ANXA13: variants seen among roughly 807,000 people sequenced by gnomAD.
ANXA13 encodes annexin XIII.
Under a neutral mutation model 46.6 loss-of-function variants are expected in ANXA13, and 36 were observed. The observed-to-expected ratio is 0.77, with a 90% CI of 0.59 to 1.02. ANXA13 has a LOEUF of 1.02. ANXA13 is among the 50% of genes least tolerant of loss of function. The pLI is 0.00. For missense variants in ANXA13, 417 were observed against 396.5 expected (o/e 1.05, Z -0.44); for synonymous variants, 163 against 152.9 (o/e 1.07, Z -0.49).
intron 1 of ANXA13, among the ~76,000 whole-genome samples, chr8:123,736,864 T>TG (rs1814278273): frequency 1.3e-5 from 2 of 150,022 alleles, no homozygotes; most frequent in Non-Finnish European, 3.0e-5. Flanking sequence ...TTTTTTTTTT[T>TG]TGGGACGGAG....
chr8:123,735,063 T>G (rs1363714638), intron 1 of ANXA13, among the ~76,000 whole-genome samples: 1 of 150,054 alleles, frequency 6.7e-6, no homozygotes, highest in Non-Finnish European at 1.5e-5. Context: ...ATTTTAGATT[T>G]GCTGAGATTC....
At chr8:123,734,497 T>G (rs973065699) in intron 1 of ANXA13, among the ~76,000 whole-genome samples, 1 of 152,122 alleles carries the variant, frequency 6.6e-6, no homozygotes, top group African/African-American at 2.4e-5. Flanking sequence ...CCACATAGGT[T>G]AGTTACAAAC....
intron 4 of ANXA13, among the ~76,000 whole-genome samples, chr8:123,696,288 A>G (rs1813335237): frequency 6.6e-6 from 1 of 152,200 alleles, no homozygotes; most frequent in Non-Finnish European, 1.5e-5. Context: ...TTAAAGGGAC[A>G]CAAAATATTC....
intron 2 of ANXA13, among the ~76,000 whole-genome samples, chr8:123,707,472 A>G (rs1018446986): frequency 6.6e-6 from 1 of 152,198 alleles, no homozygotes. Context: ...TAGACTGGAT[A>G]AAGAAAATGT....
chr8:123,698,711 G>A (rs1813391321), intron 3 of ANXA13, 152 bp from the exon 4 acceptor site: 3 of 772,482 alleles, frequency 3.9e-6, no homozygotes, highest in African/African-American at 3.5e-5. Context: ...CATGCAACCT[G>A]CTCTCAGCTG....
At chr8:123,694,130 TCCTAAAAAAC>T (rs1813290582) in intron 6 of ANXA13, among the ~76,000 whole-genome samples, 2 of 152,136 alleles carry the variant, frequency 1.3e-5, no homozygotes, top group African/African-American at 4.8e-5. Flanking sequence ...AAGGTCCCAG[TCCTAAAAAAC>T]CCTGAGAGCT....
intron 2 of ANXA13, among the ~76,000 whole-genome samples, chr8:123,705,905 G>A (rs1368141312): frequency 6.6e-6 from 1 of 152,210 alleles, no homozygotes; most frequent in African/African-American, 2.4e-5. Context: ...AGCCCTCAGA[G>A]TCAGCTTTGG....
chr8:123,728,552 T>A (rs1164820883), intron 1 of ANXA13: 3 of 152,236 alleles, frequency 2.0e-5, no homozygotes, highest in African/African-American at 7.2e-5. Flanking sequence ...TCTGGAATCC[T>A]CAAGAGTCAA....
At chr8:123,721,421 G>C (rs1813869512) in intron 1 of ANXA13, among the ~76,000 whole-genome samples, 1 of 152,138 alleles carries the variant, frequency 6.6e-6, no homozygotes, top group African/African-American at 2.4e-5. Context: ...CTGAAAGATG[G>C]TAATAATAGT....
Position 123,731,220 on chromosome 8 carries a change from G to A in ANXA13, c.15+6100C>T, listed in dbSNP as rs180998827. Among the ~76,000 whole-genome samples, 117 of 152,214 alleles carry A rather than the reference G, an allele frequency of 7.7e-4. 1 individual carries two copies. In the South Asian group the frequency reaches 0.014, roughly 19 times the overall value. On this transcript the variant is annotated intron_variant, in intron 1 of 10. Coordinates refer to ENST00000419625, the MANE Select transcript of ANXA13 (RefSeq NM_004306.4). ...TGGATTATACCAATGATGCGGGCCT[G>A]GGAGACCTCATTTGAAAACTACTGC...
chr8:123,708,109 C>T lies in ANXA13; in HGVS notation c.91+4569G>A, dbSNP rs118152212. On this transcript the variant is annotated intron_variant, in intron 2 of 10. Coordinates refer to ENST00000419625, the MANE Select transcript of ANXA13 (RefSeq NM_004306.4). ...AATATGTGTATCGTATAAGCAGTGC[C>T]GCTGAATGATTTCCTGTAAATACTT... 5.3e-3 allele frequency among the ~76,000 whole-genome samples: 811 copies of T among 152,182 alleles called. 5 individuals are homozygous for T. Among genetic ancestry groups the T allele is most frequent in the Non-Finnish European group, 8.0e-3 (545 of 68,004 alleles).
At chr8:123,733,340 AC>A (rs1356059576) in intron 1 of ANXA13, among the ~76,000 whole-genome samples, 1 of 152,074 alleles carries the variant, frequency 6.6e-6, no homozygotes, top group African/African-American at 2.4e-5. Context: ...CTTGGTTAAG[AC>A]CATACTTATT....
At chr8:123,682,231 T>G (rs1422742099) in intron 10 of ANXA13, among the ~76,000 whole-genome samples, 2 of 152,218 alleles carry the variant, frequency 1.3e-5, no homozygotes, top group Admixed American at 1.3e-4. Context: ...ATTTTGAATC[T>G]AATTTATTGG....
chr8:123,712,927 T>C (rs1364193519), intron 1 of ANXA13, among the ~76,000 whole-genome samples, 174 bp from the exon 2 acceptor site: 3 of 152,042 alleles, frequency 2.0e-5, no homozygotes, highest in African/African-American at 7.2e-5. Flanking sequence ...CCCAGAGAGG[T>C]GGCTGGTACT....
chr8:123,731,947 G>C (rs1212536054), intron 1 of ANXA13, among the ~76,000 whole-genome samples: 1 of 152,180 alleles, frequency 6.6e-6, no homozygotes, highest in Non-Finnish European at 1.5e-5. Flanking sequence ...GTTATGCAGA[G>C]AGAACTATGG....
At chr8:123,731,959 A>C (rs996842800) in intron 1 of ANXA13, among the ~76,000 whole-genome samples, 4 of 152,200 alleles carry the variant, frequency 2.6e-5, no homozygotes, top group Admixed American at 2.6e-4. Flanking sequence ...GAACTATGGA[A>C]GCCTTAAGGA....
intron 1 of ANXA13, among the ~76,000 whole-genome samples, chr8:123,727,376 A>T (rs1359431779): frequency 1.3e-5 from 2 of 152,020 alleles, no homozygotes; most frequent in African/African-American, 4.8e-5. Context: ...TGCCTGGGCC[A>T]GAAGGGCAGG....
At chr8:123,696,273 G>GT (rs545165440) in intron 4 of ANXA13, among the ~76,000 whole-genome samples, 1 of 152,140 alleles carries the variant, frequency 6.6e-6, no homozygotes, top group Non-Finnish European at 1.5e-5. Flanking sequence ...GTCACCTAGA[G>GT]TTTTTTAAAG....
chr8:123,735,064 G>C (rs1177487830), intron 1 of ANXA13, among the ~76,000 whole-genome samples: 4 of 149,102 alleles, frequency 2.7e-5, no homozygotes, highest in Admixed American at 2.0e-4. Context: ...TTTTAGATTT[G>C]CTGAGATTCA....
Sources: allele counts gnomAD v4.1 joint callset (sites outside exome capture counted in the v4.1 genomes callset), GRCh38; gene constraint gnomAD v4.1.1; transcripts MANE v1.5; gene names NCBI Gene and HGNC (gene_info 2026-07-23, HGNC 2026-07-21).